SH3RF3: variants seen among roughly 807,000 people sequenced by gnomAD.
SH3RF3 encodes the protein E3 ubiquitin-protein ligase SH3RF3.
In SH3RF3, 29 loss-of-function variants were observed where a neutral mutation model predicts 66.3. The observed-to-expected ratio is 0.44, with a 90% CI of 0.33 to 0.60. The LOEUF (loss-of-function observed/expected upper bound fraction) is 0.60. SH3RF3 is among the 20% of genes least tolerant of loss of function. The pLI, the probability that SH3RF3 is intolerant of heterozygous loss-of-function variation, is 0.04. For synonymous variants in SH3RF3, 583 were observed against 532.0 expected (o/e 1.10, Z -1.32); for missense variants, 1,194 against 1,190.9 (o/e 1.00, Z -0.04).
intron 1 of SH3RF3, among the ~76,000 whole-genome samples, chr2:109,256,709 G>A (rs1416495203): frequency 1.3e-5 from 2 of 152,142 alleles, no homozygotes; most frequent in Non-Finnish European, 2.9e-5. Context: ...TCTTCCTTGT[G>A]TGGAGTTAAC....
intron 1 of SH3RF3, among the ~76,000 whole-genome samples, chr2:109,272,004 T>C (rs1237520455): frequency 6.6e-6 from 1 of 152,212 alleles, no homozygotes; most frequent in Non-Finnish European, 1.5e-5. Context: ...ACATCTGGTA[T>C]GGGTGAACCA....
intron 2 of SH3RF3, among the ~76,000 whole-genome samples, chr2:109,367,718 T>C (rs1683177694): frequency 6.6e-6 from 1 of 152,252 alleles, no homozygotes; most frequent in African/African-American, 2.4e-5. Context: ...TGCTTTGCAT[T>C]TGTCTCTAGT....
intron 1 of SH3RF3, among the ~76,000 whole-genome samples, chr2:109,319,522 C>T (rs947076709): frequency 2.6e-5 from 4 of 152,190 alleles, no homozygotes; most frequent in Admixed American, 1.3e-4. Flanking sequence ...CATGTTAGTA[C>T]AGATGTGTAT....
chr2:109,276,787 A>G (rs1680767973), intron 1 of SH3RF3, among the ~76,000 whole-genome samples: 1 of 151,520 alleles, frequency 6.6e-6, no homozygotes, highest in South Asian at 2.1e-4. Context: ...TTTGACTTAC[A>G]TATATATATA....
intron 1 of SH3RF3, among the ~76,000 whole-genome samples, chr2:109,275,742 C>T (rs1020063854): frequency 6.6e-6 from 1 of 152,176 alleles, no homozygotes; most frequent in Non-Finnish European, 1.5e-5. Context: ...CTTCCTCTCC[C>T]GGACAGCCGC....
chr2:109,493,773 C>T lies in SH3RF3; in HGVS notation c.2480+2837C>T, dbSNP rs368408969. Reference sequence around the variant, plus strand: ...CACACTGCACACCAAACATGCACTGCACACACACCAGGCAAACACACATAA... The same window carrying T: ...CACACTGCACACCAAACATGCACTGTACACACACCAGGCAAACACACATAA... On this transcript the variant is annotated intron_variant, in intron 9 of 9. Coordinates refer to ENST00000309415, the MANE Select transcript of SH3RF3 (RefSeq NM_001099289.3). 4.6e-5 allele frequency among the ~76,000 whole-genome samples: 7 copies of T among 152,182 alleles called. No individual in the cohort carries two copies. The East Asian group carries it at 1.4e-3, about 29-fold the overall frequency.
At chr2:109,335,787 C>A (rs2105507013) in intron 1 of SH3RF3, among the ~76,000 whole-genome samples, 1 of 152,304 alleles carries the variant, frequency 6.6e-6, no homozygotes, top group Non-Finnish European at 1.5e-5. Context: ...GCATAAATGT[C>A]CTAAAACCAC....
chr2:109,401,868 T>C (rs1425808202), intron 4 of SH3RF3, among the ~76,000 whole-genome samples: 1 of 152,190 alleles, frequency 6.6e-6, no homozygotes, highest in Non-Finnish European at 1.5e-5. Context: ...TTCTATTAAT[T>C]TGCATACTAC....
chr2:109,302,081 C>T (rs552261221), intron 1 of SH3RF3, among the ~76,000 whole-genome samples: 2 of 152,326 alleles, frequency 1.3e-5, no homozygotes, highest in Admixed American at 6.5e-5. Context: ...CCCACTGTGT[C>T]TTCTCTCCTC....
chr2:109,323,247 G>A (rs1387342088), intron 1 of SH3RF3, among the ~76,000 whole-genome samples: 1 of 152,190 alleles, frequency 6.6e-6, no homozygotes, highest in East Asian at 1.9e-4. Flanking sequence ...CAGGTCTTGG[G>A]CTGGGAGTCA....
At chr2:109,431,609 C>T (rs950014435) in intron 5 of SH3RF3, among the ~76,000 whole-genome samples, 6 of 152,182 alleles carry the variant, frequency 3.9e-5, no homozygotes, top group African/African-American at 1.4e-4. Flanking sequence ...AAAATTAAGG[C>T]TGGTGTAATC....
At chr2:109,313,945 T>C (rs1681802015) in intron 1 of SH3RF3, among the ~76,000 whole-genome samples, 1 of 152,236 alleles carries the variant, frequency 6.6e-6, no homozygotes, top group African/African-American at 2.4e-5. Context: ...GTTTGGACTT[T>C]GTTTTGTAGG....
chr2:109,324,979 G>A (rs1228309593), intron 1 of SH3RF3, among the ~76,000 whole-genome samples: 1 of 152,192 alleles, frequency 6.6e-6, no homozygotes, highest in African/African-American at 2.4e-5. Flanking sequence ...CACAGTTTTG[G>A]CAAGGAAAAG....
At chr2:109,351,991 A>G (rs1466235562) in intron 2 of SH3RF3, among the ~76,000 whole-genome samples, 3 of 152,250 alleles carry the variant, frequency 2.0e-5, no homozygotes, top group Non-Finnish European at 4.4e-5. Context: ...ATAGATGGAT[A>G]AAAATCAAAT....
At chr2:109,240,655 T>C (rs1281936206) in intron 1 of SH3RF3, among the ~76,000 whole-genome samples, 1 of 152,132 alleles carries the variant, frequency 6.6e-6, no homozygotes, top group African/African-American at 2.4e-5. Flanking sequence ...ACTGACGGAT[T>C]ATTTCACACG....
chr2:109,451,341 T>C (rs527932841), intron 8 of SH3RF3, among the ~76,000 whole-genome samples: 204 of 152,298 alleles, frequency 1.3e-3, no homozygotes, highest in African/African-American at 4.1e-3. Context: ...GGATTCACAG[T>C]CCTACCCTCT....
At chr2:109,323,046 T>C (rs553482800) in intron 1 of SH3RF3, among the ~76,000 whole-genome samples, 1 of 152,300 alleles carries the variant, frequency 6.6e-6, no homozygotes, top group African/African-American at 2.4e-5. Flanking sequence ...CTCGTTGAAA[T>C]GTTTTATCAG....
intron 1 of SH3RF3, among the ~76,000 whole-genome samples, chr2:109,264,956 A>C (rs1680453966): frequency 1.3e-5 from 2 of 152,156 alleles, no homozygotes; most frequent in African/African-American, 4.8e-5. Context: ...TGTGGGTGGC[A>C]GGGGGACTAG....
intron 1 of SH3RF3, among the ~76,000 whole-genome samples, chr2:109,204,251 T>G (rs1239979310): frequency 6.6e-6 from 1 of 152,242 alleles, no homozygotes; most frequent in Non-Finnish European, 1.5e-5. Context: ...AAACTTACTT[T>G]GCTTATGCCC....
Sources: allele counts gnomAD v4.1 joint callset (sites outside exome capture counted in the v4.1 genomes callset), GRCh38; gene constraint gnomAD v4.1.1; transcripts MANE v1.5; gene names NCBI Gene and HGNC (gene_info 2026-07-23, HGNC 2026-07-21).